The following ULK4 variants were observed in gnomAD, a reference collection of about 807,000 sequenced individuals.
ULK4 encodes inactive serine/threonine-protein kinase ULK4.
Under a neutral mutation model 160.6 loss-of-function variants are expected in ULK4, and 133 were observed. That is an observed-to-expected ratio of 0.83 (90% CI 0.72 to 0.96). The LOEUF (loss-of-function observed/expected upper bound fraction) is 0.96, where lower values mean the gene tolerates loss of function less well. ULK4 is among the 40% of genes least tolerant of loss of function. The pLI, the probability that ULK4 is intolerant of heterozygous loss-of-function variation, is 0.00. For synonymous variants in ULK4, 534 were observed against 539.8 expected (o/e 0.99, Z 0.15); for missense variants, 1,580 against 1,499.5 (o/e 1.05, Z -0.89).
intron 32 of ULK4, among the ~76,000 whole-genome samples, chr3:41,485,277 G>C (rs562824386): frequency 2.0e-5 from 3 of 152,186 alleles, no homozygotes; most frequent in Non-Finnish European, 2.9e-5. Flanking sequence ...CAAGTTTAAA[G>C]TGGGAATGCA....
At chr3:41,326,595 G>A (rs577056379) in intron 35 of ULK4, among the ~76,000 whole-genome samples, 2 of 152,294 alleles carry the variant, frequency 1.3e-5, no homozygotes, top group African/African-American at 4.8e-5. Flanking sequence ...CAGGGTAGAA[G>A]TCTGGGGATT....
At chr3:41,505,999 A>G (rs2085359748) in intron 32 of ULK4, among the ~76,000 whole-genome samples, 1 of 152,172 alleles carries the variant, frequency 6.6e-6, no homozygotes, top group Non-Finnish European at 1.5e-5. Context: ...TAGTAAACCA[A>G]AAGTTTTAAA....
chr3:41,252,288 A>C (rs555184643), intron 35 of ULK4, among the ~76,000 whole-genome samples: 53 of 152,336 alleles, frequency 3.5e-4, no homozygotes, highest in Non-Finnish European at 6.5e-4. Flanking sequence ...GAAAAAAGAC[A>C]ATCAACAGAG....
intron 32 of ULK4, among the ~76,000 whole-genome samples, chr3:41,475,103 C>A (rs1223945466): frequency 5.3e-5 from 8 of 151,946 alleles, no homozygotes; most frequent in African/African-American, 1.9e-4. Context: ...TGTCCATCAG[C>A]AGATAAAAGG....
intron 32 of ULK4, among the ~76,000 whole-genome samples, chr3:41,527,277 C>T (rs1243732588): frequency 6.6e-6 from 1 of 152,190 alleles, no homozygotes; most frequent in South Asian, 2.1e-4. Flanking sequence ...CACAGAGCTG[C>T]CCAAGTACAA....
At chr3:41,650,665 A>G (rs1452354301) in intron 30 of ULK4, among the ~76,000 whole-genome samples, 1 of 152,234 alleles carries the variant, frequency 6.6e-6, no homozygotes, top group East Asian at 1.9e-4. Context: ...CAGGCTGATA[A>G]CACAAGCCGA....
intron 35 of ULK4, among the ~76,000 whole-genome samples, chr3:41,260,263 T>C (rs2078915741): frequency 6.6e-6 from 1 of 152,188 alleles, no homozygotes; most frequent in South Asian, 2.1e-4. Context: ...CATGATGCAA[T>C]CTGGCAGGCC....
intron 31 of ULK4, among the ~76,000 whole-genome samples, chr3:41,614,807 A>G (rs2032879127): frequency 6.6e-6 from 1 of 152,236 alleles, no homozygotes; most frequent in Non-Finnish European, 1.5e-5. Context: ...ATGATTAAGG[A>G]AAGTTGATTT....
chr3:41,534,111 T>C (rs1261699666), intron 32 of ULK4, among the ~76,000 whole-genome samples: 1 of 152,222 alleles, frequency 6.6e-6, no homozygotes. Context: ...CGGCCGAAAG[T>C]ACACTTTCTT....
rs2125839081 is a variant in ULK4 at position 41,423,699 on chromosome 3, T to G, written c.3493-25435A>C. Among the ~76,000 whole-genome samples, 3 of 151,776 alleles carry G rather than the reference T, an allele frequency of 2.0e-5. No homozygotes were observed. The Middle Eastern group carries it at 0.01, about 520-fold the overall frequency. ...GGTATAGAGGTTCTCTCACTGGGAC[T>G]GACTACGCGGTTGTCTTGACCCATG... On this transcript the variant is annotated intron_variant, in intron 34 of 36. Transcript: ENST00000301831.
At chr3:41,798,943 T>C (rs1257188999) in intron 20 of ULK4, among the ~76,000 whole-genome samples, 5 of 152,068 alleles carry the variant, frequency 3.3e-5, no homozygotes, top group Non-Finnish European at 7.4e-5. Context: ...TTGTCAATGG[T>C]ACCAGGAAGG....
At chr3:41,764,430 G>A (rs1043639919) in intron 21 of ULK4, among the ~76,000 whole-genome samples, 2 of 151,954 alleles carry the variant, frequency 1.3e-5, no homozygotes, top group Non-Finnish European at 2.9e-5. Flanking sequence ...TTAATAAACA[G>A]GAACAAAAAT....
At chr3:41,716,585 C>T (rs2037277199) in intron 23 of ULK4, among the ~76,000 whole-genome samples, 1 of 152,110 alleles carries the variant, frequency 6.6e-6, no homozygotes, top group Non-Finnish European at 1.5e-5. Flanking sequence ...AAAAAAGTTG[C>T]TGTCAGTTAG....
chr3:41,445,235 A>T (rs1168648728), intron 34 of ULK4, among the ~76,000 whole-genome samples: 1 of 152,190 alleles, frequency 6.6e-6, no homozygotes, highest in African/African-American at 2.4e-5. Context: ...GATACAAACA[A>T]ATGGAAGAAC....
intron 32 of ULK4, among the ~76,000 whole-genome samples, chr3:41,533,615 C>T (rs942274694): frequency 6.6e-6 from 1 of 152,168 alleles, no homozygotes; most frequent in African/African-American, 2.4e-5. Flanking sequence ...CATTCTTTCA[C>T]AGATTCTCTA....
chr3:41,883,936 G>C lies in ULK4; in HGVS notation c.1594C>G (p.His532Asp). The change falls in exon 17 of 37, where the codon CAC becomes GAC. Residue 532 changes from histidine (H) to aspartate (D), a missense_variant. Physicochemically the swap from His to Asp is moderately conservative, Grantham distance 81. Coordinates refer to ENST00000301831, the MANE Select transcript of ULK4 (RefSeq NM_017886.4). ...TGCGAAGCCAGTAAACCAATTACGTGAGCAACCTTGGCCCGTCTGTAAATG... is the reference window on the plus strand; with the variant it reads ...TGCGAAGCCAGTAAACCAATTACGTCAGCAACCTTGGCCCGTCTGTAAATG... ...PNWDIRAKVA[H>D]VIGLLASHTA... 6.2e-7 allele frequency: 1 copy of C among 1,610,462 alleles called. No individual in the cohort carries two copies. The highest frequency in any genetic ancestry group is 8.5e-7 in the Non-Finnish European group (1 of 1,176,568).
At chr3:41,959,898 T>G (rs2148851123) in intron 1 of ULK4, among the ~76,000 whole-genome samples, 1 of 152,330 alleles carries the variant, frequency 6.6e-6, no homozygotes, top group South Asian at 2.1e-4. Flanking sequence ...AGAAAAAATA[T>G]AATCAGAAAC....
chr3:41,267,518 G>T (rs1222362582), intron 35 of ULK4, among the ~76,000 whole-genome samples: 1 of 151,872 alleles, frequency 6.6e-6, no homozygotes, highest in Non-Finnish European at 1.5e-5. Flanking sequence ...TATTCCTTTG[G>T]GTATATACCC....
intron 33 of ULK4, among the ~76,000 whole-genome samples, chr3:41,456,701 T>C (rs1559616613): frequency 6.6e-6 from 1 of 152,182 alleles, no homozygotes; most frequent in South Asian, 2.1e-4. Flanking sequence ...ACGCCCTTCC[T>C]CTCTGTTTTT....
Sources: gnomAD v4.1 joint callset for allele counts (sites outside exome capture counted in the v4.1 genomes callset) on GRCh38, gnomAD v4.1.1 for gene constraint, MANE v1.5 for transcripts, NCBI Gene and HGNC (gene_info 2026-07-23, HGNC 2026-07-21) for gene names.